Variants in SH3GL2 observed in about 807,000 individuals in gnomAD.
The protein encoded by SH3GL2 is endophilin-A1.
SH3GL2 carries 24 observed loss-of-function variants against 46.0 expected under a neutral mutation model. The ratio of observed to expected loss-of-function variants is 0.52; its 90% CI spans 0.38 to 0.73. The LOEUF (loss-of-function observed/expected upper bound fraction) is 0.73. SH3GL2 is among the 30% of genes least tolerant of loss of function. The pLI, the probability that SH3GL2 is intolerant of heterozygous loss-of-function variation, is 0.00. For missense variants in SH3GL2, 413 were observed against 424.2 expected, an observed-to-expected ratio of 0.97 and a Z score of 0.23; for synonymous variants, 196 against 147.1, an observed-to-expected ratio of 1.33 and a Z score of -2.40.
intron 1 of SH3GL2, among the ~76,000 whole-genome samples, chr9:17,594,190 T>C (rs1367590583): frequency 6.6e-6 from 1 of 152,182 alleles, no homozygotes; most frequent in Non-Finnish European, 1.5e-5. Flanking sequence ...TGTGTCCTGC[T>C]CAGTGATCTG....
At chr9:17,606,119 G>C (rs1417892280) in intron 1 of SH3GL2, among the ~76,000 whole-genome samples, 1 of 151,790 alleles carries the variant, frequency 6.6e-6, no homozygotes, top group South Asian at 2.1e-4. Context: ...TTGAGATGGA[G>C]TCTCACTCTG....
At chr9:17,761,895 G>A (rs947159168) in intron 3 of SH3GL2, among the ~76,000 whole-genome samples, 3 of 152,198 alleles carry the variant, frequency 2.0e-5, no homozygotes, top group Non-Finnish European at 2.9e-5. Flanking sequence ...AAAAAGTAGG[G>A]AGGTGAATCG....
rs73645111 is a variant in SH3GL2, at chr9:17,649,970, A to G, written c.45+70683A>G. Among the ~76,000 whole-genome samples, 1,385 of 152,306 alleles carry G rather than the reference A, an allele frequency of 9.1e-3. 37 individuals carry two copies. The highest frequency in any genetic ancestry group is 0.032 in the African/African-American group (1,338 of 41,566). ...AAAGTATAGAATGGCTCAACTTTAA[A>G]TTGATTAATCTAAAAAGAAAAGCCT... On this transcript the variant is annotated intron_variant, in intron 1 of 8. Transcript: ENST00000380607.
At chr9:17,648,608 A>T (rs922092436) in intron 1 of SH3GL2, among the ~76,000 whole-genome samples, 2 of 152,142 alleles carry the variant, frequency 1.3e-5, no homozygotes, top group Non-Finnish European at 2.9e-5. Flanking sequence ...TTATTATTAT[A>T]ATAAATTTAT....
At chr9:17,660,997 A>C (rs965741053) in intron 1 of SH3GL2, among the ~76,000 whole-genome samples, 5 of 152,028 alleles carry the variant, frequency 3.3e-5, no homozygotes, top group African/African-American at 1.2e-4. Flanking sequence ...CCCTGTCTCT[A>C]CTAAAAATAC....
At chr9:17,771,864 G>A (rs537586942) in intron 3 of SH3GL2, among the ~76,000 whole-genome samples, 1 of 151,860 alleles carries the variant, frequency 6.6e-6, no homozygotes, top group East Asian at 1.9e-4. Context: ...AGAGTAGCAC[G>A]ATCCAGTGCT....
At chr9:17,651,096 A>C (rs548342785) in intron 1 of SH3GL2, among the ~76,000 whole-genome samples, 1 of 152,150 alleles carries the variant, frequency 6.6e-6, no homozygotes, top group African/African-American at 2.4e-5. Flanking sequence ...TTTTTTCATT[A>C]GTTTTTACTG....
intron 1 of SH3GL2, among the ~76,000 whole-genome samples, chr9:17,677,599 T>C (rs1269850794): frequency 4.0e-5 from 6 of 150,624 alleles, no homozygotes; most frequent in Admixed American, 2.6e-4. Flanking sequence ...CTTGATCTAC[T>C]GTTACCTACT....
intron 3 of SH3GL2, among the ~76,000 whole-genome samples, chr9:17,774,637 C>T (rs1437205149): frequency 6.6e-6 from 1 of 151,796 alleles, no homozygotes; most frequent in African/African-American, 2.4e-5. Context: ...ATTTCAGGAA[C>T]AAATACCACT....
intron 1 of SH3GL2, among the ~76,000 whole-genome samples, chr9:17,604,980 T>A (rs932604372): frequency 2.3e-4 from 4 of 17,688 alleles, no homozygotes; most frequent in African/African-American, 2.9e-4. Context: ...ACAAGTCATT[T>A]TTTTTTTTTT....
intron 1 of SH3GL2, among the ~76,000 whole-genome samples, chr9:17,705,340 C>T (rs976653019): frequency 4.6e-5 from 7 of 152,032 alleles, no homozygotes; most frequent in Admixed American, 4.6e-4. Context: ...GTGGCAATTT[C>T]TTAAAGAACT....
chr9:17,645,699 C>T (rs1017366909), intron 1 of SH3GL2, among the ~76,000 whole-genome samples: 2 of 152,012 alleles, frequency 1.3e-5, no homozygotes, highest in African/African-American at 4.8e-5. Context: ...GAATATTGGC[C>T]CCCACTGTCT....
chr9:17,688,171 G>C (rs1588241135), intron 1 of SH3GL2, among the ~76,000 whole-genome samples: 1 of 152,028 alleles, frequency 6.6e-6, no homozygotes, highest in African/African-American at 2.4e-5. Context: ...CTCATGTCGA[G>C]GTGTACCAAG....
intron 1 of SH3GL2, among the ~76,000 whole-genome samples, chr9:17,580,937 G>A (rs1818266227): frequency 6.6e-6 from 1 of 152,166 alleles, no homozygotes; most frequent in Non-Finnish European, 1.5e-5. Flanking sequence ...AGTGGGAAAG[G>A]CTAAGGTTTG....
intron 1 of SH3GL2, among the ~76,000 whole-genome samples, chr9:17,617,265 T>C (rs1299724778): frequency 6.6e-6 from 1 of 152,218 alleles, no homozygotes; most frequent in Non-Finnish European, 1.5e-5. Flanking sequence ...TGCTGCAGTA[T>C]ATAAAGTTGT....
intron 1 of SH3GL2, among the ~76,000 whole-genome samples, chr9:17,740,573 A>G (rs1822498318): frequency 6.6e-6 from 1 of 152,126 alleles, no homozygotes; most frequent in Non-Finnish European, 1.5e-5. Flanking sequence ...ATTTATTATC[A>G]GAGGTGATGC....
chr9:17,672,956 G>T (rs936927188), intron 1 of SH3GL2, among the ~76,000 whole-genome samples: 24 of 152,234 alleles, frequency 1.6e-4, no homozygotes, highest in African/African-American at 5.5e-4. Flanking sequence ...TTCTCCTCCA[G>T]AGAAGACTAC....
At chr9:17,644,985 T>A (rs1486227088) in intron 1 of SH3GL2, among the ~76,000 whole-genome samples, 1 of 152,058 alleles carries the variant, frequency 6.6e-6, no homozygotes, top group Admixed American at 6.5e-5. Flanking sequence ...TCTAAGAAGT[T>A]GCTTTATTAA....
At chr9:17,624,477 A>G (rs1289954104) in intron 1 of SH3GL2, among the ~76,000 whole-genome samples, 2 of 152,182 alleles carry the variant, frequency 1.3e-5, no homozygotes, top group South Asian at 2.1e-4. Flanking sequence ...TTCCATGTTT[A>G]CCATTTAGCC....
Sources: gnomAD v4.1 joint callset for allele counts (sites outside exome capture counted in the v4.1 genomes callset) on GRCh38, gnomAD v4.1.1 for gene constraint, MANE v1.5 for transcripts, NCBI Gene and HGNC (gene_info 2026-07-23, HGNC 2026-07-21) for gene names.